SEL1L: variants seen among roughly 807,000 people sequenced by gnomAD.
The protein encoded by SEL1L is SEL1L adaptor subunit of SYVN1 ubiquitin ligase.
In SEL1L, 52 loss-of-function variants were observed where a neutral mutation model predicts 109.8. That is an observed-to-expected ratio of 0.47 (90% CI 0.38 to 0.60). The LOEUF is 0.60. Among genes scored for constraint, SEL1L ranks in the 20% least tolerant of loss-of-function variants. The pLI is 0.00. For synonymous variants in SEL1L, 373 were observed against 339.6 expected, an observed-to-expected ratio of 1.10 and a Z score of -1.08; for missense variants, 749 against 962.2, an observed-to-expected ratio of 0.78 and a Z score of 2.93.
intron 19 of SEL1L, among the ~76,000 whole-genome samples, chr14:81,481,859 C>T (rs909335606): frequency 6.6e-6 from 1 of 151,874 alleles, no homozygotes; most frequent in South Asian, 2.1e-4. Flanking sequence ...GGTGAAACCC[C>T]GTCTCTACTA....
intron 1 of SEL1L, among the ~76,000 whole-genome samples, chr14:81,530,047 G>A (rs1269257792): frequency 1.3e-5 from 2 of 152,180 alleles, no homozygotes; most frequent in Admixed American, 6.5e-5. Context: ...CTTTGAAAAG[G>A]ACCAGTTTTT....
intron 13 of SEL1L, among the ~76,000 whole-genome samples, 186 bp downstream of exon 13, chr14:81,490,202 T>C (rs1448198460): frequency 6.6e-6 from 1 of 152,172 alleles, no homozygotes; most frequent in Non-Finnish European, 1.5e-5. Flanking sequence ...ACTTGGTCCC[T>C]AAAAAAATTG....
rs1903548660 is a variant in SEL1L at position 81,487,260 on chromosome 14, T to G, written c.1632+130A>C. 6 of 782,272 alleles carry G rather than the reference T, an allele frequency of 7.7e-6. No individual in the cohort carries two copies. The Admixed American group carries it at 1.4e-4, about 19-fold the overall frequency. 48.5% of individuals were successfully genotyped at this position (782,272 alleles called of 1,614,324 possible). ...CACAGACCCCTCGGTCTTCCCTCAG[T>G]ATATCAAAGCTAGGTAGGCTGAGTC... On this transcript the variant is annotated intron_variant, in intron 16 of 20. Transcript: ENST00000336735.
At position 81,533,792 on chromosome 14, in the gene SEL1L, C is replaced by A; in HGVS notation, c.-48G>T. The A allele has an allele frequency of 6.3e-7, 1 of 1,575,852 alleles. No homozygotes were observed. Among genetic ancestry groups the A allele is most frequent in the Non-Finnish European group, 8.7e-7 (1 of 1,153,636 alleles). Reference sequence around the variant, plus strand: ...ACCCCTAGAGCTGTCGCCTTCGCCTCTGCCACCACGGACTCAGCCACCACC... The same window carrying A: ...ACCCCTAGAGCTGTCGCCTTCGCCTATGCCACCACGGACTCAGCCACCACC... On this transcript the variant is annotated 5_prime_UTR_variant, in exon 1 of 21. Transcript: ENST00000336735.
chr14:81,525,926 CA>C, intron 3 of SEL1L, among the ~76,000 whole-genome samples: 1 of 152,060 alleles, frequency 6.6e-6, no homozygotes, highest in Admixed American at 6.5e-5. Context: ...ATGATGTGAG[CA>C]GCTGTTATTT....
chr14:81,476,839 A>T lies in SEL1L; in HGVS notation c.*133T>A. On this transcript the variant is annotated 3_prime_UTR_variant, in exon 21 of 21. Transcript: ENST00000336735. ...AAGGCATCAGATTCTAAGCAGCTTTAGGAATTCAATGCTTCCTTGTGCCGT... is the reference window on the plus strand; with the variant it reads ...AAGGCATCAGATTCTAAGCAGCTTTTGGAATTCAATGCTTCCTTGTGCCGT... 1.3e-6 allele frequency: 1 copy of T among 792,652 alleles called. No individual in the cohort carries two copies. Among genetic ancestry groups the T allele is most frequent in the Non-Finnish European group, 2.0e-6 (1 of 509,768 alleles). The allele number at this position is 792,652 out of a possible 1,614,324, so 49.1% of individuals were successfully genotyped here.
At chr14:81,527,455 A>G (rs1023494079) in intron 2 of SEL1L, among the ~76,000 whole-genome samples, 2 of 151,822 alleles carry the variant, frequency 1.3e-5, no homozygotes, top group Admixed American at 1.3e-4. Context: ...ACACACACAC[A>G]CACACACACA....
At chr14:81,479,522 TC>T (rs1215258125) in intron 20 of SEL1L, 89 bp downstream of exon 20, 26 of 1,366,002 alleles carry the variant, frequency 1.9e-5, no homozygotes, top group Non-Finnish European at 2.5e-5. Flanking sequence ...GGACCACTCT[TC>T]CCTGTGCTTC....
chr14:81,524,940 T>C (rs779859713), intron 3 of SEL1L, among the ~76,000 whole-genome samples: 13 of 152,132 alleles, frequency 8.5e-5, no homozygotes, highest in Non-Finnish European at 1.9e-4. Context: ...GGTCTTAGCT[T>C]AGAAATGAAT....
At chr14:81,487,769 C>T in intron 15 of SEL1L, 86 bp downstream of exon 15, 3 of 1,571,998 alleles carry the variant, frequency 1.9e-6, no homozygotes, top group Non-Finnish European at 2.6e-6. Flanking sequence ...TTTGATAGCA[C>T]CCATTTCCAC....
intron 3 of SEL1L, among the ~76,000 whole-genome samples, chr14:81,513,370 T>A (rs535678084): frequency 6.6e-6 from 1 of 152,276 alleles, no homozygotes; most frequent in African/African-American, 2.4e-5. Context: ...GCACTACCTT[T>A]ATGAGCTCTA....
At chr14:81,514,179 C>T (rs925767583) in intron 3 of SEL1L, among the ~76,000 whole-genome samples, 5 of 152,186 alleles carry the variant, frequency 3.3e-5, no homozygotes, top group Admixed American at 6.5e-5. Context: ...AAAGCCCCAT[C>T]GGGGCGGGGG....
rs1024160296 is a variant in SEL1L at position 81,484,453 on chromosome 14, T to C, written c.1874-56A>G. On this transcript the variant is annotated intron_variant, in intron 18 of 20. Transcript: ENST00000336735. ...ATAAATAAAGTATGTTTAAAACAGA[T>C]CAAACTTTTTTCTCCTCCCATTGAC... The C allele has an allele frequency of 4.0e-6, 6 of 1,488,544 alleles. No individual in the cohort carries two copies. In the East Asian group the frequency reaches 9.2e-5, roughly 23 times the overall value. The allele number at this position is 1,488,544 out of a possible 1,614,324, so 92.2% of individuals were successfully genotyped here.
rs577496739 is a variant in SEL1L at position 81,491,293 on chromosome 14, T to C, written c.1255-828A>G. Among the ~76,000 whole-genome samples, 8 of 152,208 alleles carry C rather than the reference T, an allele frequency of 5.3e-5. No individual in the cohort carries two copies. In the South Asian group the frequency reaches 1.7e-3, roughly 32 times the overall value. ...TGAAGAGGGTTTAAACACTAAACAA[T>C]TAGAGCATCAGGTATGGAGAATGAT... On this transcript the variant is annotated intron_variant, in intron 12 of 20. Transcript: ENST00000336735.
At chr14:81,502,159 T>C (rs1339292846) in intron 6 of SEL1L, among the ~76,000 whole-genome samples, 2 of 152,072 alleles carry the variant, frequency 1.3e-5, no homozygotes, top group African/African-American at 2.4e-5. Flanking sequence ...TCCAGAACAA[T>C]AGACAGTGAT....
chr14:81,473,809 C>T lies in SEL1L; in HGVS notation c.*3163G>A, dbSNP rs1281969957. The T allele has an allele frequency of 2.0e-5, 3 of 151,920 alleles. No individual in the cohort carries two copies. Among genetic ancestry groups the T allele is most frequent in the Non-Finnish European group, 4.4e-5 (3 of 67,970 alleles). The allele number at this position is 151,920 out of a possible 1,614,324, so 9.4% of individuals were successfully genotyped here. On this transcript the variant is annotated 3_prime_UTR_variant, in exon 21 of 21. Transcript: ENST00000336735. ...TTTCATTTATAGGCCTGCATGCATA[C>T]TTCCAAAACACTGGTTTGAAGAATG...
At chr14:81,532,358 G>A (rs967499813) in intron 1 of SEL1L, among the ~76,000 whole-genome samples, 34 of 152,174 alleles carry the variant, frequency 2.2e-4, no homozygotes, top group Non-Finnish European at 4.9e-4. Flanking sequence ...TCTGATGCAG[G>A]AGGTCCATGG....
intron 1 of SEL1L, among the ~76,000 whole-genome samples, chr14:81,529,478 G>A (rs982406818): frequency 2.0e-5 from 3 of 152,094 alleles, no homozygotes; most frequent in Non-Finnish European, 4.4e-5. Context: ...ACCACAACAG[G>A]TTACATAGGT....
chr14:81,520,587 G>C (rs573887628), intron 3 of SEL1L, among the ~76,000 whole-genome samples: 53 of 152,336 alleles, frequency 3.5e-4, no homozygotes, highest in South Asian at 2.1e-3. Flanking sequence ...CAGACCTGTA[G>C]TCTGTTCTTT....
Sources: allele counts gnomAD v4.1 joint callset (sites outside exome capture counted in the v4.1 genomes callset), GRCh38; gene constraint gnomAD v4.1.1; transcripts MANE v1.5; gene names NCBI Gene and HGNC (gene_info 2026-07-23, HGNC 2026-07-21).